The following CARS2 variants were observed in gnomAD, a reference collection of about 807,000 sequenced individuals.
The protein encoded by CARS2 is probable cysteine--tRNA ligase, mitochondrial.
Under a neutral mutation model 68.8 loss-of-function variants are expected in CARS2, and 52 were observed. The observed-to-expected ratio is 0.76, with a 90% CI of 0.61 to 0.95. The LOEUF is 0.95. Among genes scored for constraint, CARS2 ranks in the 40% least tolerant of loss-of-function variants. CARS2 has a pLI of 0.00. For missense variants in CARS2, 780 were observed against 754.2 expected, an observed-to-expected ratio of 1.03 and a Z score of -0.40; for synonymous variants, 314 against 303.6, an observed-to-expected ratio of 1.03 and a Z score of -0.36.
intron 6 of CARS2, among the ~76,000 whole-genome samples, chr13:110,680,651 G>A (rs1463985922): frequency 6.6e-6 from 1 of 152,198 alleles, no homozygotes; most frequent in Non-Finnish European, 1.5e-5. Flanking sequence ...ACAGGACAGA[G>A]GGAAATGTTA....
chr13:110,658,800 G>C (rs1488037321), intron 9 of CARS2, among the ~76,000 whole-genome samples: 1 of 152,020 alleles, frequency 6.6e-6, no homozygotes, highest in Non-Finnish European at 1.5e-5. Flanking sequence ...ATGGTGGTGT[G>C]CACCTATAAT....
At chr13:110,696,421 C>T (rs1002241418) in intron 3 of CARS2, among the ~76,000 whole-genome samples, 86 of 152,340 alleles carry the variant, frequency 5.6e-4, no homozygotes, top group African/African-American at 1.7e-3. Context: ...TCCACATCCT[C>T]GCCAGCATCT....
upstream of CARS2, chr13:110,706,246 G>T: frequency 2.1e-6 from 1 of 481,792 alleles, no homozygotes; most frequent in Non-Finnish European, 3.1e-6. Flanking sequence ...GCCTCCCTTT[G>T]GCCTGGCTCG....
upstream of CARS2, among the ~76,000 whole-genome samples, chr13:110,710,971 C>T (rs1166495195): frequency 1.3e-5 from 2 of 151,808 alleles, no homozygotes; most frequent in Non-Finnish European, 2.9e-5. Flanking sequence ...GGTTAAACTC[C>T]ATCTTATCTT....
In CARS2 at chr13:110,687,944, T is replaced by C; in HGVS notation, c.465+3A>G. 5.0e-6 allele frequency: 8 copies of C among 1,611,708 alleles called. No homozygotes were observed. Among genetic ancestry groups the C allele is most frequent in the Non-Finnish European group, 6.8e-6 (8 of 1,178,204 alleles). On this transcript the variant is annotated splice_donor_region_variant and intron_variant, in intron 4 of 14. Transcript: ENST00000257347. The stretch of plus-strand genomic sequence containing the variant: ...GGCAGGAACAACCAGCCCCACACTT[T>C]ACCTTCAGGGCTGCCATGTCCTGCT...
At chr13:110,700,252 C>T (rs900942091) in intron 3 of CARS2, among the ~76,000 whole-genome samples, 7 of 152,114 alleles carry the variant, frequency 4.6e-5, no homozygotes, top group African/African-American at 1.7e-4. Flanking sequence ...TGAAGGAGAC[C>T]GAGGAGACAA....
chr13:110,700,245 A>G (rs1184099707), intron 3 of CARS2, among the ~76,000 whole-genome samples: 3 of 152,250 alleles, frequency 2.0e-5, no homozygotes. Flanking sequence ...TGAAGACTGA[A>G]GGAGACCGAG....
At chr13:110,654,466 C>G (rs2062308924) in intron 9 of CARS2, among the ~76,000 whole-genome samples, 1 of 151,998 alleles carries the variant, frequency 6.6e-6, no homozygotes, top group African/African-American at 2.4e-5. Context: ...AGATGTAGGG[C>G]AATAACTTAA....
rs941338762 is a variant in CARS2, at chr13:110,713,025, G to C, written n.399+112C>G. 5.3e-6 allele frequency: 8 copies of C among 1,497,288 alleles called. No individual in the cohort carries two copies. In the African/African-American group the frequency reaches 8.4e-5, roughly 16 times the overall value. 92.8% of individuals were successfully genotyped at this position (1,497,288 alleles called of 1,614,324 possible). ...GGCCGCAGCTCAAAGGACACCGAGA[G>C]GGTGCCAGTGCGCATGCGCCGCCAC... On this transcript the variant is annotated intron_variant and non_coding_transcript_variant, in intron 1 of 2. Coordinates refer to the CARS2 transcript ENST00000485188.
chr13:110,642,730 C>T (rs2139668730), intron 13 of CARS2: 1 of 756,302 alleles, frequency 1.3e-6, no homozygotes, highest in African/African-American at 1.7e-5. Flanking sequence ...CTCTGAGCAT[C>T]TGTCGTCCAA....
rs1887282255 is a variant in CARS2 at position 110,641,530 on chromosome 13, T to C, written c.*7A>G. ...GTCGTGAGCAGGTTCATGGCTGTGCTCCATCCTCAGCCCGCTGATTTTTGG... is the reference window on the plus strand; with the variant it reads ...GTCGTGAGCAGGTTCATGGCTGTGCCCCATCCTCAGCCCGCTGATTTTTGG... On this transcript the variant is annotated 3_prime_UTR_variant, in exon 15 of 15. Transcript: ENST00000257347. The C allele has an allele frequency of 1.2e-6, 2 of 1,609,728 alleles. No individual in the cohort carries two copies. The highest frequency in any genetic ancestry group is 1.3e-5 in the African/African-American group (1 of 74,856).
chr13:110,679,348 G>A (rs2063069022), intron 6 of CARS2, among the ~76,000 whole-genome samples: 1 of 151,720 alleles, frequency 6.6e-6, no homozygotes. Flanking sequence ...TGACCAATAT[G>A]ACGAAACCTC....
chr13:110,647,315 T>C lies in CARS2; in HGVS notation c.1055-76A>G. The stretch of plus-strand genomic sequence containing the variant: ...TGCCCTGGTCCAGCAGAATCAGTGT[T>C]TTCTGAGGGCACTGCCACCCAGGGA... On this transcript the variant is annotated intron_variant, in intron 10 of 14. Transcript: ENST00000257347. The C allele has an allele frequency of 2.0e-6, 3 of 1,537,256 alleles. No homozygotes were observed. In the South Asian group the frequency reaches 3.6e-5, roughly 18 times the overall value.
At chr13:110,692,595 T>G (rs145700087) in intron 3 of CARS2, among the ~76,000 whole-genome samples, 1,869 of 151,568 alleles carry the variant, frequency 0.012, 21 homozygotes, top group Middle Eastern at 0.034. Context: ...TATATGAACT[T>G]TAGAATTAAT....
intron 9 of CARS2, among the ~76,000 whole-genome samples, chr13:110,655,833 G>A (rs1439088153): frequency 6.6e-6 from 1 of 152,210 alleles, no homozygotes; most frequent in Non-Finnish European, 1.5e-5. Context: ...AGAGGAGAAA[G>A]GTTTATGTGT....
Position 110,656,890 on chromosome 13 carries a change from A to T in CARS2, c.988-5790T>A, listed in dbSNP as rs11069857. The stretch of plus-strand genomic sequence containing the variant: ...CAGAGTGAGACTCTGTCTCAAAAAG[A>T]AAAAAAAAAAAACGTTCTTAGATAG... On this transcript the variant is annotated intron_variant, in intron 9 of 14. Coordinates refer to ENST00000257347, the MANE Select transcript of CARS2 (RefSeq NM_024537.4). Among the ~76,000 whole-genome samples, 6 of 48,622 alleles carry T rather than the reference A, an allele frequency of 1.2e-4. No homozygotes were observed. The Admixed American group carries it at 1.7e-3, about 14-fold the overall frequency. 31.9% of individuals were successfully genotyped at this position (48,622 alleles called of 152,430 possible). A position where few individuals can be genotyped will look rare whatever the true frequency, so the allele number is the denominator to read the frequency against.
upstream of CARS2, among the ~76,000 whole-genome samples, chr13:110,710,461 T>C (rs1273297686): frequency 9.0e-6 from 1 of 110,712 alleles, no homozygotes; most frequent in Non-Finnish European, 2.2e-5. Context: ...AGACTGGAAA[T>C]ATAATTTTAG....
At chr13:110,695,621 C>G (rs1207686626) in intron 3 of CARS2, among the ~76,000 whole-genome samples, 2 of 152,042 alleles carry the variant, frequency 1.3e-5, no homozygotes, top group African/African-American at 4.8e-5. Flanking sequence ...AGGAATTATG[C>G]ACCATTTAAT....
chr13:110,665,605 C>A lies in CARS2; in HGVS notation c.919+1735G>T. 1 of 985,430 alleles carries A rather than the reference C, an allele frequency of 1.0e-6. No individual in the cohort carries two copies. The highest frequency in any genetic ancestry group is 1.2e-6 in the Non-Finnish European group (1 of 829,978). 61.0% of individuals were successfully genotyped at this position (985,430 alleles called of 1,614,324 possible). ...TCCACACTCGCAGAAGGGCTCACAG[C>A]AGGTCATGGTTGTCAGTAACAAACC... On this transcript the variant is annotated intron_variant, in intron 8 of 14. Coordinates refer to ENST00000257347, the MANE Select transcript of CARS2 (RefSeq NM_024537.4). The surrounding 1 kb of genome is among the most constrained non-coding windows in gnomAD (Gnocchi z 4.3).
Sources: gnomAD v4.1 joint callset for allele counts (sites outside exome capture counted in the v4.1 genomes callset) on GRCh38, gnomAD v4.1.1 for gene constraint, Gnocchi (gnomAD v3.1) non-coding constraint, MANE v1.5 for transcripts, NCBI Gene and HGNC (gene_info 2026-07-23, HGNC 2026-07-21) for gene names.